RFX3: variants seen among roughly 807,000 people sequenced by gnomAD.
The protein encoded by RFX3 is regulatory factor X3, also known as transcription factor RFX3.
In RFX3, 14 loss-of-function variants were observed where a neutral mutation model predicts 98.6. The ratio of observed to expected loss-of-function variants is 0.14; its 90% CI spans 0.09 to 0.22. The LOEUF is 0.22. Among genes scored for constraint, RFX3 ranks in the 10% least tolerant of loss-of-function variants. The pLI is 1.00. For synonymous variants in RFX3, 383 were observed against 328.4 expected, an observed-to-expected ratio of 1.17 and a Z score of -1.80; for missense variants, 639 against 926.9, an observed-to-expected ratio of 0.69 and a Z score of 4.03.
At chr9:3,326,851 T>G (rs988942522) in intron 4 of RFX3, among the ~76,000 whole-genome samples, 9 of 152,142 alleles carry the variant, frequency 5.9e-5, no homozygotes, top group Admixed American at 3.9e-4. Context: ...CATAGCTAGT[T>G]TTACATCAAC....
At chr9:3,403,487 CTGATGACAG>C (rs1487215169) in intron 1 of RFX3, among the ~76,000 whole-genome samples, 7 of 152,094 alleles carry the variant, frequency 4.6e-5, no homozygotes, top group African/African-American at 1.7e-4. Flanking sequence ...CCTGTGATAA[CTGATGACAG>C]TGATTAATGC....
chr9:3,346,892 TTA>T, intron 2 of RFX3, 128 bp from the exon 3 acceptor site: 1 of 655,606 alleles, frequency 1.5e-6, no homozygotes, highest in Non-Finnish European at 2.8e-6. Context: ...AGAAAAACTA[TTA>T]GATTCATGTC....
intron 9 of RFX3, among the ~76,000 whole-genome samples, chr9:3,273,347 T>G (rs1824754035): frequency 6.6e-6 from 1 of 152,220 alleles, no homozygotes; most frequent in African/African-American, 2.4e-5. Flanking sequence ...GGGATCATTC[T>G]GTGGACTGCC....
chr9:3,254,680 G>C lies in RFX3; in HGVS notation c.1814+2311C>G, dbSNP rs137865461. ...AGCCTCCCGAGTAGCTGGGATTACA[G>C]GCGTGAGCCATCGTGCCTGGCTGAA... On this transcript the variant is annotated intron_variant, in intron 14 of 16. Coordinates refer to ENST00000617270, the MANE Select transcript of RFX3 (RefSeq NM_001282116.2). 7.0e-3 allele frequency among the ~76,000 whole-genome samples: 1,065 copies of C among 152,182 alleles called. 17 individuals are homozygous for C. The highest frequency in any genetic ancestry group is 0.025 in the African/African-American group (1,029 of 41,508).
chr9:3,479,991 A>C (rs189687939), intron 1 of RFX3, among the ~76,000 whole-genome samples: 209 of 152,330 alleles, frequency 1.4e-3, no homozygotes, highest in African/African-American at 4.8e-3. Context: ...GGAAAGACCA[A>C]AACTGTCAAG....
At chr9:3,390,650 G>A (rs531852030) in intron 2 of RFX3, among the ~76,000 whole-genome samples, 9 of 152,118 alleles carry the variant, frequency 5.9e-5, no homozygotes, top group Non-Finnish European at 1.2e-4. Context: ...TGCTGGTCTC[G>A]TGATAGTCAG....
intron 4 of RFX3, among the ~76,000 whole-genome samples, chr9:3,308,516 G>C (rs1023181158): frequency 6.6e-6 from 1 of 152,138 alleles, no homozygotes; most frequent in African/African-American, 2.4e-5. Flanking sequence ...GCCTGGCAAA[G>C]GTTCAAGAGT....
intron 1 of RFX3, among the ~76,000 whole-genome samples, chr9:3,510,116 T>C (rs1425855478): frequency 2.0e-5 from 3 of 152,050 alleles, no homozygotes; most frequent in Non-Finnish European, 2.9e-5. Flanking sequence ...TGTAGTCCCA[T>C]GGCTGTCTCT....
In RFX3 at chr9:3,395,367, A is replaced by G. The variant is rs370372376; in HGVS notation, c.117+105T>C. 2.7e-5 allele frequency: 36 copies of G among 1,315,834 alleles called. No homozygotes were observed. In the African/African-American group the frequency reaches 3.9e-4, roughly 14 times the overall value. 81.5% of individuals were successfully genotyped at this position (1,315,834 alleles called of 1,614,324 possible). On this transcript the variant is annotated intron_variant, in intron 2 of 16. Transcript: ENST00000617270. ...TGAACCTAAAAACTGAAGTATGCCT[A>G]TCATAGCAAGACAGTAAAGTTCAAA...
chr9:3,431,532 T>C (rs1405455454), intron 1 of RFX3, among the ~76,000 whole-genome samples: 2 of 152,188 alleles, frequency 1.3e-5, no homozygotes, highest in African/African-American at 4.8e-5. Context: ...CCGCACTTTT[T>C]GCAAATTACC....
At chr9:3,433,809 G>C (rs192743498) in intron 1 of RFX3, among the ~76,000 whole-genome samples, 269 of 152,304 alleles carry the variant, frequency 1.8e-3, no homozygotes, top group African/African-American at 6.1e-3. Context: ...GGGCCAAGTA[G>C]TAAATATTTT....
intron 1 of RFX3, among the ~76,000 whole-genome samples, chr9:3,499,660 G>A (rs888837819): frequency 6.6e-6 from 1 of 151,996 alleles, no homozygotes; most frequent in East Asian, 1.9e-4. Context: ...GATTCCTTTA[G>A]AAACTGTACT....
At chr9:3,440,245 G>A (rs1038890117) in intron 1 of RFX3, among the ~76,000 whole-genome samples, 3 of 152,102 alleles carry the variant, frequency 2.0e-5, no homozygotes, top group South Asian at 4.1e-4. Context: ...TGTGCTGGAC[G>A]TTCTAGCTAG....
intron 1 of RFX3, among the ~76,000 whole-genome samples, chr9:3,482,133 G>C (rs1179467417): frequency 2.0e-5 from 3 of 151,648 alleles, no homozygotes; most frequent in Non-Finnish European, 4.4e-5. Context: ...TCTACGTAGA[G>C]AATTGTTTAA....
intron 2 of RFX3, among the ~76,000 whole-genome samples, chr9:3,361,449 GT>G (rs1189160273): frequency 6.6e-6 from 1 of 152,020 alleles, no homozygotes; most frequent in Non-Finnish European, 1.5e-5. Flanking sequence ...GATTTTCTCT[GT>G]AAGCAAGGGT....
intron 6 of RFX3, among the ~76,000 whole-genome samples, chr9:3,291,965 G>A (rs995630489): frequency 2.1e-5 from 3 of 144,476 alleles, no homozygotes; most frequent in Non-Finnish European, 4.5e-5. Context: ...GCTAAGGCAG[G>A]AGAATCATTT....
chr9:3,457,622 G>C (rs1847314085), intron 1 of RFX3, among the ~76,000 whole-genome samples: 1 of 151,806 alleles, frequency 6.6e-6, no homozygotes. Context: ...ATCTTTACAA[G>C]CCTCAATTCA....
rs564601566 is a variant in RFX3 at position 3,510,684 on chromosome 9, CATCTT to C, written c.-9+15058_-9+15062del. ...AGTTACTACTGTAAATGTTGAAACT[CATCTT>C]GCATTAAATTCATAAGGAAATCTAT... On this transcript the variant is annotated intron_variant, in intron 1 of 16. Coordinates refer to ENST00000617270, the MANE Select transcript of RFX3 (RefSeq NM_001282116.2). 5.2e-3 allele frequency among the ~76,000 whole-genome samples: 789 copies of C among 152,122 alleles called. 7 individuals carry two copies. Among genetic ancestry groups the C allele is most frequent in the Admixed American group, 7.4e-3 (113 of 15,256 alleles).
In RFX3 at chr9:3,320,517, G is replaced by A. The variant is rs56839453; in HGVS notation, c.474+9742C>T. Among the ~76,000 whole-genome samples the A allele has an allele frequency of 2.9e-4, 43 of 149,546 alleles. 1 individual carries two copies. In the East Asian group the frequency reaches 3.8e-3, roughly 13 times the overall value. On this transcript the variant is annotated intron_variant, in intron 4 of 16. Transcript: ENST00000617270. ...CAGTGAGCCGAGATCAAACCACCGC[G>A]TTCCAGCCTAGGTGACACAGCAAGA...
Sources: gnomAD v4.1 joint callset for allele counts (sites outside exome capture counted in the v4.1 genomes callset) on GRCh38, gnomAD v4.1.1 for gene constraint, MANE v1.5 for transcripts, NCBI Gene and HGNC (gene_info 2026-07-23, HGNC 2026-07-21) for gene names.